IFRD1: variants seen among roughly 807,000 people sequenced by gnomAD.
IFRD1 encodes interferon-related developmental regulator 1.
In IFRD1, 35 loss-of-function variants were observed where a neutral mutation model predicts 52.9. The ratio of observed to expected loss-of-function variants is 0.66; its 90% CI spans 0.51 to 0.88. IFRD1 has a LOEUF of 0.88. Among genes scored for constraint, IFRD1 ranks in the 40% least tolerant of loss-of-function variants. The pLI is 0.00. For missense variants in IFRD1, 517 were observed against 550.8 expected, an observed-to-expected ratio of 0.94 and a Z score of 0.61; for synonymous variants, 184 against 188.4, an observed-to-expected ratio of 0.98 and a Z score of 0.19.
chr7:112,459,532 A>G (rs1795379907), intron 5 of IFRD1, among the ~76,000 whole-genome samples: 1 of 152,196 alleles, frequency 6.6e-6, no homozygotes, highest in Non-Finnish European at 1.5e-5. Flanking sequence ...GTTTTTTTAA[A>G]CAAGTGAATC....
intron 1 of IFRD1, among the ~76,000 whole-genome samples, chr7:112,435,929 C>G (rs1479832335): frequency 2.7e-5 from 4 of 149,926 alleles, no homozygotes. Flanking sequence ...GTTGCCCAGG[C>G]TGGAGTGCAA....
chr7:112,428,959 G>A (rs1167961291), intron 1 of IFRD1, among the ~76,000 whole-genome samples: 3 of 152,128 alleles, frequency 2.0e-5, no homozygotes, highest in Admixed American at 6.6e-5. Flanking sequence ...TAACTTGACA[G>A]TTTTACTTTG....
At chr7:112,452,189 T>C (rs1795183586) in intron 1 of IFRD1, 1 of 872,456 alleles carries the variant, frequency 1.1e-6, no homozygotes, top group Non-Finnish European at 1.4e-6. Flanking sequence ...AGAGGGAGTC[T>C]GGCTCTGTCG....
At chr7:112,429,760 G>A (rs1384921748) in intron 1 of IFRD1, among the ~76,000 whole-genome samples, 1 of 152,132 alleles carries the variant, frequency 6.6e-6, no homozygotes, top group Non-Finnish European at 1.5e-5. Context: ...GATAAGGCAG[G>A]CCTAGCATCT....
chr7:112,467,931 C>CAA lies in IFRD1; in HGVS notation c.907-49_907-48insAA, dbSNP rs751077023. 9,178 of 1,365,840 alleles carry CAA rather than the reference C, an allele frequency of 6.7e-3. 297 individuals carry two copies. The highest frequency in any genetic ancestry group is 0.029 in the African/African-American group (2,055 of 70,648). 84.6% of individuals were successfully genotyped at this position (1,365,840 alleles called of 1,614,324 possible). On this transcript the variant is annotated intron_variant, in intron 8 of 11. Coordinates refer to ENST00000403825, the MANE Select transcript of IFRD1 (RefSeq NM_001550.4). ...GTTCTTTGTTAGCTCTATATGAGGTCAGAAAAGAAAAATAATAATAAAGGA... is the reference window on the plus strand; with the variant it reads ...GTTCTTTGTTAGCTCTATATGAGGTCAAAGAAAAGAAAAATAATAATAAAGGA...
chr7:112,476,119 T>G lies in IFRD1; in HGVS notation c.*600T>G, dbSNP rs1338588416. Reference sequence around the variant, plus strand: ...TGCTAACCTTAACATCTGAGAGCAGTAACACTGATTTTATCTGCTGTATGA... The same window carrying G: ...TGCTAACCTTAACATCTGAGAGCAGGAACACTGATTTTATCTGCTGTATGA... On this transcript the variant is annotated 3_prime_UTR_variant, in exon 12 of 12. Transcript: ENST00000403825. 1 of 152,436 alleles carries G rather than the reference T, an allele frequency of 6.6e-6. No homozygotes were observed. The highest frequency in any genetic ancestry group is 1.5e-5 in the Non-Finnish European group (1 of 68,222). 9.4% of individuals were successfully genotyped at this position (152,436 alleles called of 1,614,324 possible). A position where few individuals can be genotyped will look rare whatever the true frequency, so the allele number is the denominator to read the frequency against.
In IFRD1 at chr7:112,455,873, A is replaced by T; in HGVS notation, c.199+6A>T. 6.3e-7 allele frequency: 1 copy of T among 1,593,458 alleles called. No individual in the cohort carries two copies. The highest frequency in any genetic ancestry group is 1.3e-5 in the African/African-American group (1 of 74,624). On this transcript the variant is annotated splice_donor_region_variant and intron_variant, in intron 2 of 11. Transcript: ENST00000403825. ...TTCCAGTTTTGCTGAAGATGGTATG[A>T]GTTTTAAATTTAAATTTGCAACTTT...
chr7:112,438,680 A>T (rs1322880448), intron 1 of IFRD1, among the ~76,000 whole-genome samples: 3 of 152,206 alleles, frequency 2.0e-5, no homozygotes, highest in African/African-American at 7.2e-5. Context: ...TTCGCCAAAA[A>T]AGACGAGGCT....
intron 1 of IFRD1, among the ~76,000 whole-genome samples, chr7:112,424,249 T>C (rs1337696817): frequency 6.6e-6 from 1 of 152,076 alleles, no homozygotes; most frequent in Non-Finnish European, 1.5e-5. Flanking sequence ...GGGGATACTC[T>C]CCAGGTGGCA....
At chr7:112,438,291 T>G (rs1342019024) in intron 1 of IFRD1, among the ~76,000 whole-genome samples, 2 of 152,192 alleles carry the variant, frequency 1.3e-5, no homozygotes, top group Non-Finnish European at 2.9e-5. Flanking sequence ...AAGAAAATAG[T>G]GAAGCTGGCA....
intron 10 of IFRD1, among the ~76,000 whole-genome samples, 155 bp from the exon 11 acceptor site, chr7:112,472,611 G>A (rs1795780100): frequency 6.6e-6 from 1 of 152,130 alleles, no homozygotes; most frequent in African/African-American, 2.4e-5. Context: ...TCAAGGCATT[G>A]AAAACAATTT....
At chr7:112,459,832 T>C (rs1212013250) in intron 5 of IFRD1, among the ~76,000 whole-genome samples, 1 of 152,216 alleles carries the variant, frequency 6.6e-6, no homozygotes, top group African/African-American at 2.4e-5. Context: ...TTGCATCTAG[T>C]TCCTTGGCTT....
chr7:112,449,530 C>T (rs1055154812), upstream of IFRD1, among the ~76,000 whole-genome samples: 1 of 152,094 alleles, frequency 6.6e-6, no homozygotes, highest in Non-Finnish European at 1.5e-5. Flanking sequence ...GGACTTTGAT[C>T]TGTCATAAGC....
chr7:112,444,023 A>G (rs1794961136), intron 1 of IFRD1, among the ~76,000 whole-genome samples: 1 of 152,234 alleles, frequency 6.6e-6, no homozygotes, highest in Non-Finnish European at 1.5e-5. Flanking sequence ...CAAATGGAAA[A>G]GTCCACTGAT....
chr7:112,475,519 G>T lies in IFRD1; in HGVS notation c.1356G>T (p.Ter452TyrextTer5), dbSNP rs917570510. Residue 452 changes from the stop codon to tyrosine, a stop_lost, in exon 12 of 12, where the codon TAG becomes TAT. Transcript: ENST00000403825. ...GAGCAGATGTTGGAGAATTCTTCTA[G>T]ATTTTCAGAACTTGAAGACTATTTT... ...DKRADVGEFF* is the reference protein window; with the variant it reads ...DKRADVGEFFY 6 of 1,576,072 alleles carry T rather than the reference G, an allele frequency of 3.8e-6. No homozygotes were observed. The highest frequency in any genetic ancestry group is 1.3e-5 in the African/African-American group (1 of 74,154).
chr7:112,458,987 A>G lies in IFRD1; in HGVS notation c.536A>G (p.Asp179Gly), dbSNP rs143002375. The change falls in exon 5 of 12, where the codon GAT becomes GGT. Residue 179 changes from aspartate (D) to glycine (G), a missense_variant. Transcript: ENST00000403825. ...CCAATCCTAAAGAAAATCATTTGTG[A>G]TGGGTCAGCTAGTATGCAGGCTAGG... Reference protein sequence around the residue: ...LGPILKKIICDGSASMQARQT... With the variant: ...LGPILKKIICGGSASMQARQT... 144 of 1,613,852 alleles carry G rather than the reference A, an allele frequency of 8.9e-5. No homozygotes were observed. The highest frequency in any genetic ancestry group is 1.1e-4 in the Non-Finnish European group (135 of 1,179,896).
intron 1 of IFRD1, among the ~76,000 whole-genome samples, chr7:112,451,348 G>T (rs898994444): frequency 6.6e-6 from 1 of 152,230 alleles, no homozygotes; most frequent in Non-Finnish European, 1.5e-5. Context: ...AGGCGAAGGC[G>T]TCGGAGGCGG....
rs553756454 is a variant in IFRD1 at position 112,458,806 on chromosome 7, A to G, written c.410-55A>G. Reference sequence around the variant, plus strand: ...ATCAAATTTGGGAAATAACTGTCTTAGTAAGTTAGTCTACTGAAAAGACTA... The same window carrying G: ...ATCAAATTTGGGAAATAACTGTCTTGGTAAGTTAGTCTACTGAAAAGACTA... On this transcript the variant is annotated intron_variant, in intron 4 of 11. Coordinates refer to ENST00000403825, the MANE Select transcript of IFRD1 (RefSeq NM_001550.4). 29 of 1,513,036 alleles carry G rather than the reference A, an allele frequency of 1.9e-5. No homozygotes were observed. The African/African-American group carries it at 3.4e-4, about 18-fold the overall frequency. 93.7% of individuals were successfully genotyped at this position (1,513,036 alleles called of 1,614,324 possible). A position where few individuals can be genotyped will look rare whatever the true frequency, so the allele number is the denominator to read the frequency against.
intron 4 of IFRD1, 167 bp downstream of exon 4, chr7:112,457,205 C>T: frequency 1.4e-6 from 1 of 723,894 alleles, no homozygotes; most frequent in Non-Finnish European, 2.3e-6. Context: ...CTTGTTAGAA[C>T]TTTGTTTTTG....
Sources: allele counts gnomAD v4.1 joint callset (sites outside exome capture counted in the v4.1 genomes callset), GRCh38; gene constraint gnomAD v4.1.1; transcripts MANE v1.5; gene names NCBI Gene and HGNC (gene_info 2026-07-23, HGNC 2026-07-21).